The following NCOR2 variants were observed in gnomAD, a reference collection of about 807,000 sequenced individuals.
NCOR2 encodes the protein CTG repeat protein 26.
In NCOR2, 81 loss-of-function variants were observed where a neutral mutation model predicts 262.9. That is an observed-to-expected ratio of 0.31 (90% CI 0.26 to 0.37). The LOEUF (loss-of-function observed/expected upper bound fraction) is 0.37. Among genes scored for constraint, NCOR2 ranks in the 10% least tolerant of loss-of-function variants. NCOR2 has a pLI of 1.00. For missense variants in NCOR2, 3,385 were observed against 3,621.4 expected, an observed-to-expected ratio of 0.93 and a Z score of 1.68; for synonymous variants, 1,659 against 1,559.3, an observed-to-expected ratio of 1.06 and a Z score of -1.51.
intron 1 of NCOR2, among the ~76,000 whole-genome samples, chr12:124,559,655 G>C (rs1374410004): frequency 4.6e-5 from 7 of 152,150 alleles, no homozygotes; most frequent in Admixed American, 4.6e-4. Context: ...TCAGGAATGT[G>C]TAAGGTAAGA....
rs2048875759 is a variant in NCOR2 at position 124,503,630 on chromosome 12, GGATGGGCGAA to G, written c.-117-8272_-117-8263del. Among the ~76,000 whole-genome samples the G allele has an allele frequency of 6.6e-6, 1 of 150,496 alleles. No individual in the cohort carries two copies. The highest frequency in any genetic ancestry group is 2.5e-5 in the African/African-American group (1 of 40,712). On this transcript the variant is annotated intron_variant, in intron 1 of 46. Coordinates refer to the NCOR2 transcript ENST00000404621. This position sits in a 1 kb window ranked among gnomAD's most constrained non-coding sequence, Gnocchi z 4.3. ...CGGACGGACGGATGGATGGATGGAT[GGATGGGCGAA>G]TGGATGGATGGATGGATGGATGGAC...
Position 124,448,335 on chromosome 12 carries a change from AG to A in NCOR2, c.815+1479del, listed in dbSNP as rs370506562. ...GGTCCCAGGAAGCTGCAGAAGGGAC[AG>A]GGGTAGCCCAATTGGAAGACAAACT... On this transcript the variant is annotated intron_variant, in intron 7 of 46. Transcript: ENST00000405201. Among the ~76,000 whole-genome samples, 303 of 152,364 alleles carry A rather than the reference AG, an allele frequency of 2.0e-3. 2 individuals are homozygous for A. The highest frequency in any genetic ancestry group is 7.0e-3 in the African/African-American group (293 of 41,596).
chr12:124,450,980 C>T (rs2045487984), intron 6 of NCOR2, among the ~76,000 whole-genome samples: 1 of 152,256 alleles, frequency 6.6e-6, no homozygotes, highest in African/African-American at 2.4e-5. Flanking sequence ...AGTCACATTG[C>T]CGCCATCAGG....
intron 16 of NCOR2, among the ~76,000 whole-genome samples, chr12:124,391,834 G>C (rs1440644600): frequency 1.3e-5 from 2 of 152,194 alleles, no homozygotes; most frequent in Admixed American, 1.3e-4. Context: ...ATACGACCTG[G>C]CGCTGTCTCG....
chr12:124,356,980 G>A, intron 22 of NCOR2, 198 bp from the exon 25 acceptor site: 1 of 585,012 alleles, frequency 1.7e-6, no homozygotes, highest in East Asian at 3.5e-5. Flanking sequence ...CTGCTCAGCA[G>A]GGGAGGGGAT....
At position 124,334,626 on chromosome 12, in the gene NCOR2, A is replaced by G; in HGVS notation, c.6412-9T>C. On this transcript the variant is annotated splice_polypyrimidine_tract_variant and intron_variant, in intron 40 of 46. Transcript: ENST00000405201. ...TCCTGTGTGATGACCTCCTGCAGGC[A>G]AGTGGGGGGGCCCAGAGTCAGGCAG... The G allele has an allele frequency of 7.5e-7, 1 of 1,339,194 alleles. No homozygotes were observed. The highest frequency in any genetic ancestry group is 9.6e-7 in the Non-Finnish European group (1 of 1,046,768). The allele number at this position is 1,339,194 out of a possible 1,614,324, so 83.0% of individuals were successfully genotyped here.
intron 9 of NCOR2, 115 bp downstream of exon 11, chr12:124,430,500 G>T: frequency 7.6e-7 from 1 of 1,317,878 alleles, no homozygotes; most frequent in Non-Finnish European, 1.0e-6. Context: ...CTGGCCACTG[G>T]CCTGAGAAGC....
exon 29 of NCOR2, chr12:124,348,309 T>C (rs2037114032): frequency 6.2e-7 from 1 of 1,606,646 alleles, no homozygotes; most frequent in Admixed American, 1.7e-5. Flanking sequence ...GTCACAGACA[T>C]GCCACCTGGA....
chr12:124,557,580 T>A (rs919193541), intron 1 of NCOR2, among the ~76,000 whole-genome samples: 1 of 152,012 alleles, frequency 6.6e-6, no homozygotes, highest in Admixed American at 6.5e-5. Flanking sequence ...CCAAATAAGG[T>A]CACAGCCTGA....
intron 11 of NCOR2, 119 bp from the exon 14 acceptor site, chr12:124,422,674 C>G: frequency 8.4e-7 from 1 of 1,195,884 alleles, no homozygotes; most frequent in Non-Finnish European, 1.2e-6. Flanking sequence ...CACCGCCCCA[C>G]TTGGAGCAAT....
At chr12:124,371,701 C>G (rs547005236) in intron 20 of NCOR2, among the ~76,000 whole-genome samples, 1 of 152,204 alleles carries the variant, frequency 6.6e-6, no homozygotes, top group African/African-American at 2.4e-5. Context: ...CCACCTGGCT[C>G]GAACTACCTT....
chr12:124,332,867 G>A (rs2035327458), intron 42 of NCOR2, among the ~76,000 whole-genome samples: 1 of 152,162 alleles, frequency 6.6e-6, no homozygotes, highest in Non-Finnish European at 1.5e-5. Flanking sequence ...ATTTCTTAGA[G>A]GTTCAACAGG....
chr12:124,560,474 G>A (rs1381773045), intron 1 of NCOR2, among the ~76,000 whole-genome samples: 1 of 152,220 alleles, frequency 6.6e-6, no homozygotes, highest in Non-Finnish European at 1.5e-5. Context: ...GCACCATACA[G>A]AAACAGGTGG....
At chr12:124,382,711 G>A (rs2040499447) in intron 17 of NCOR2, among the ~76,000 whole-genome samples, 2 of 152,234 alleles carry the variant, frequency 1.3e-5, no homozygotes, top group Non-Finnish European at 2.9e-5. Flanking sequence ...TCTGCCCTCA[G>A]GGCAGCTGCC....
chr12:124,531,187 G>A lies in NCOR2; in HGVS notation c.-118+4378C>T, dbSNP rs1386520492. Among the ~76,000 whole-genome samples, 2 of 152,150 alleles carry A rather than the reference G, an allele frequency of 1.3e-5. No individual in the cohort carries two copies. Among genetic ancestry groups the A allele is most frequent in the African/African-American group, 4.8e-5 (2 of 41,438 alleles). The stretch of plus-strand genomic sequence containing the variant: ...TGGGAGGCATCCACCAACTCATGCT[G>A]AACAACAGTCCAGCCAGAGCCCACC... On this transcript the variant is annotated intron_variant, in intron 1 of 46. Coordinates refer to the NCOR2 transcript ENST00000404621. The surrounding 1 kb of genome is among the most constrained non-coding windows in gnomAD (Gnocchi z 4.5).
At position 124,504,785 on chromosome 12, in the gene NCOR2, G is replaced by T. The variant is rs2136977064; in HGVS notation, c.-117-9417C>A. Among the ~76,000 whole-genome samples, 1 of 152,328 alleles carries T rather than the reference G, an allele frequency of 6.6e-6. No individual in the cohort carries two copies. Among genetic ancestry groups the T allele is most frequent in the Middle Eastern group, 3.4e-3 (1 of 292 alleles). On this transcript the variant is annotated intron_variant, in intron 1 of 46. Transcript: ENST00000404621. The surrounding 1 kb of genome is among the most constrained non-coding windows in gnomAD (Gnocchi z 4.5). ...AAAGGCAAAGAAGCCGCTCAGAAAG[G>T]CCACGCACTGCATGATTCCATTAAC...
chr12:124,407,977 G>A lies in NCOR2; in HGVS notation c.1483-5416C>T, dbSNP rs148109938. On this transcript the variant is annotated intron_variant, in intron 13 of 46. Transcript: ENST00000405201. ...CCCTAACACCTGCTCTCTGTCCCTC[G>A]GATTCAGTCTCCTGTCCTTGCTGGG... Among the ~76,000 whole-genome samples, 497 of 152,322 alleles carry A rather than the reference G, an allele frequency of 3.3e-3. 3 individuals are homozygous for A. The highest frequency in any genetic ancestry group is 5.8e-3 in the Admixed American group (88 of 15,304).
At chr12:124,470,312 TAG>T (rs1426394573) in intron 4 of NCOR2, among the ~76,000 whole-genome samples, 1 of 152,164 alleles carries the variant, frequency 6.6e-6, no homozygotes, top group Non-Finnish European at 1.5e-5. Context: ...AAATTAAACC[TAG>T]AGTTACTGTA....
At chr12:124,512,208 G>A (rs1023170020) in intron 1 of NCOR2, among the ~76,000 whole-genome samples, 3 of 152,174 alleles carry the variant, frequency 2.0e-5, no homozygotes, top group East Asian at 1.9e-4. Context: ...CACCTCGCCC[G>A]GCCAACGACA....
Sources: allele counts gnomAD v4.1 joint callset (sites outside exome capture counted in the v4.1 genomes callset), GRCh38; gene constraint gnomAD v4.1.1; non-coding constraint Gnocchi (gnomAD v3.1); transcripts MANE v1.5; gene names NCBI Gene and HGNC (gene_info 2026-07-23, HGNC 2026-07-21).